The following CADM2 variants were observed in gnomAD, a reference collection of about 807,000 sequenced individuals.
CADM2 encodes the protein cell adhesion molecule 2, also known as immunoglobulin superfamily member 4D.
CADM2 carries 12 observed loss-of-function variants against 49.8 expected under a neutral mutation model. The ratio of observed to expected loss-of-function variants is 0.24; its 90% CI spans 0.15 to 0.39. The LOEUF is 0.39. Among genes scored for constraint, CADM2 ranks in the 10% least tolerant of loss-of-function variants. The probability of loss-of-function intolerance (pLI) is 1.00; values close to 1 mark genes in which losing one functional copy is unlikely to be tolerated. For synonymous variants in CADM2, 214 were observed against 175.4 expected, an observed-to-expected ratio of 1.22 and a Z score of -1.74; for missense variants, 378 against 492.3, an observed-to-expected ratio of 0.77 and a Z score of 2.20.
chr3:85,541,793 A>ATATATATATATATATATATC (rs2061555045), intron 1 of CADM2, among the ~76,000 whole-genome samples: 1 of 133,906 alleles, frequency 7.5e-6, no homozygotes, highest in African/African-American at 2.8e-5. Flanking sequence ...ATATATATAT[A>ATATATATATATATATATATC]TGTATAGTGT....
chr3:85,750,953 T>C (rs2068834528), intron 2 of CADM2, among the ~76,000 whole-genome samples: 1 of 151,724 alleles, frequency 6.6e-6, no homozygotes, highest in Admixed American at 6.6e-5. Context: ...AAATTACATA[T>C]AATATAGGCA....
chr3:85,459,002 T>C (rs2038118014), intron 1 of CADM2, among the ~76,000 whole-genome samples: 1 of 152,228 alleles, frequency 6.6e-6, no homozygotes, highest in South Asian at 2.1e-4. Context: ...CATATCATTT[T>C]ACTTATAGAA....
intron 1 of CADM2, among the ~76,000 whole-genome samples, chr3:85,117,320 G>T (rs1417033332): frequency 6.6e-6 from 1 of 151,996 alleles, no homozygotes; most frequent in Non-Finnish European, 1.5e-5. Flanking sequence ...AAAGGATGCT[G>T]TAAAATATAT....
chr3:85,458,207 T>C, intron 1 of CADM2, among the ~76,000 whole-genome samples: 1 of 152,228 alleles, frequency 6.6e-6, no homozygotes, highest in Admixed American at 6.5e-5. Context: ...TCTCTCCTGC[T>C]GAATAACGTT....
chr3:85,193,073 A>G (rs769574308), intron 1 of CADM2, among the ~76,000 whole-genome samples: 68 of 152,208 alleles, frequency 4.5e-4, no homozygotes, highest in Non-Finnish European at 8.1e-4. Context: ...AGAAATCACA[A>G]TGGTATAAAT....
intron 1 of CADM2, among the ~76,000 whole-genome samples, chr3:85,637,604 G>A (rs1361732819): frequency 1.1e-4 from 2 of 18,634 alleles, no homozygotes; most frequent in African/African-American, 1.9e-4. Context: ...GCGAGACTCC[G>A]TCTCAAAAAA....
intron 2 of CADM2, among the ~76,000 whole-genome samples, chr3:85,776,899 G>C (rs1172103856): frequency 6.6e-6 from 1 of 152,018 alleles, no homozygotes; most frequent in Non-Finnish European, 1.5e-5. Flanking sequence ...AAACAGAATA[G>C]ATGTCTGACA....
At chr3:85,908,282 A>G (rs1161477696) in intron 5 of CADM2, among the ~76,000 whole-genome samples, 1 of 134,236 alleles carries the variant, frequency 7.4e-6, no homozygotes, top group African/African-American at 2.9e-5. Context: ...TTTCCAGTTA[A>G]CCTAACTTGA....
intron 1 of CADM2, among the ~76,000 whole-genome samples, chr3:85,379,813 C>T (rs1433711): frequency 0.26 from 39,623 of 151,860 alleles, 5,364 homozygotes; most frequent in South Asian, 0.34. Context: ...TTGTATTACT[C>T]GCAACTGTTG....
At chr3:85,208,790 A>G (rs2041710459) in intron 1 of CADM2, among the ~76,000 whole-genome samples, 1 of 152,162 alleles carries the variant, frequency 6.6e-6, no homozygotes, top group Non-Finnish European at 1.5e-5. Context: ...TCAGCTGCAT[A>G]TTTCACCAGG....
intron 1 of CADM2, among the ~76,000 whole-genome samples, chr3:85,628,016 T>C (rs1329031150): frequency 6.6e-6 from 1 of 151,908 alleles, no homozygotes; most frequent in African/African-American, 2.4e-5. Context: ...AGTGCTGGAG[T>C]TGTTTGAGTG....
intron 1 of CADM2, among the ~76,000 whole-genome samples, chr3:85,138,249 T>A (rs895968986): frequency 2.0e-5 from 3 of 152,110 alleles, no homozygotes; most frequent in Admixed American, 2.0e-4. Flanking sequence ...CTTTTTATAC[T>A]TAGTATGTTT....
intron 8 of CADM2, among the ~76,000 whole-genome samples, chr3:86,016,049 AACTT>A (rs1559802290): frequency 6.6e-6 from 1 of 151,330 alleles, no homozygotes; most frequent in Non-Finnish European, 1.5e-5. Context: ...GGAAAAAAGA[AACTT>A]AATCATTTTA....
intron 1 of CADM2, among the ~76,000 whole-genome samples, chr3:85,123,516 G>C (rs2038932080): frequency 6.6e-6 from 1 of 152,124 alleles, no homozygotes. Flanking sequence ...CAAAATTGAT[G>C]TGATTGTTTT....
At chr3:85,146,896 A>G (rs1291628105) in intron 1 of CADM2, among the ~76,000 whole-genome samples, 2 of 152,182 alleles carry the variant, frequency 1.3e-5, no homozygotes, top group Non-Finnish European at 2.9e-5. Context: ...GGACATATGA[A>G]GACATTTGAA....
At chr3:85,366,725 C>T (rs73134727) in intron 1 of CADM2, among the ~76,000 whole-genome samples, 2,806 of 151,796 alleles carry the variant, frequency 0.018, 56 homozygotes, top group South Asian at 0.052. Flanking sequence ...ATATTAATGC[C>T]GAAATCTAAA....
At chr3:85,861,432 A>G (rs57634487) in intron 3 of CADM2, among the ~76,000 whole-genome samples, 11,389 of 152,194 alleles carry the variant, frequency 0.075, 760 homozygotes, top group African/African-American at 0.17. Context: ...TGAAGTTGAC[A>G]TAAAATGGAG....
intron 8 of CADM2, among the ~76,000 whole-genome samples, chr3:85,995,284 C>A (rs1729244614): frequency 6.6e-6 from 1 of 152,010 alleles, no homozygotes; most frequent in African/African-American, 2.4e-5. Context: ...GGAATGTTCT[C>A]TTTTAAAAAG....
At chr3:85,232,272 G>A (rs1039175461) in intron 1 of CADM2, among the ~76,000 whole-genome samples, 3 of 151,998 alleles carry the variant, frequency 2.0e-5, no homozygotes, top group Admixed American at 6.6e-5. Context: ...GCCAGGGAAA[G>A]ATCCTTGGGG....
Sources: gnomAD v4.1 joint callset for allele counts (sites outside exome capture counted in the v4.1 genomes callset) on GRCh38, gnomAD v4.1.1 for gene constraint, MANE v1.5 for transcripts, NCBI Gene and HGNC (gene_info 2026-07-23, HGNC 2026-07-21) for gene names.